GRID1: variants seen among roughly 807,000 people sequenced by gnomAD.
The protein encoded by GRID1 is glutamate ionotropic receptor delta type subunit 1, also known as glutamate receptor ionotropic, delta-1.
Under a neutral mutation model 98.0 loss-of-function variants are expected in GRID1, and 28 were observed. That is an observed-to-expected ratio of 0.29 (90% confidence interval 0.21 to 0.39). The LOEUF (loss-of-function observed/expected upper bound fraction) is 0.39. GRID1 is among the 10% of genes least tolerant of loss of function. The probability of loss-of-function intolerance (pLI) is 1.00; values close to 1 mark genes in which losing one functional copy is unlikely to be tolerated. For missense variants in GRID1, 1,111 were observed against 1,340.5 expected (o/e 0.83, Z 2.67); for synonymous variants, 553 against 538.5 (o/e 1.03, Z -0.37).
intron 4 of GRID1, among the ~76,000 whole-genome samples, chr10:85,938,327 G>A (rs897267003): frequency 7.9e-5 from 12 of 152,176 alleles, no homozygotes; most frequent in African/African-American, 1.2e-4. Flanking sequence ...CTAAGTGCTC[G>A]GATGGGGTCA....
At chr10:85,891,616 A>G (rs554765768) in intron 5 of GRID1, among the ~76,000 whole-genome samples, 2 of 152,332 alleles carry the variant, frequency 1.3e-5, no homozygotes, top group East Asian at 1.9e-4. Context: ...GGAAAGGACC[A>G]TCTGAAAGGA....
chr10:86,136,018 C>T (rs949691054), intron 4 of GRID1, among the ~76,000 whole-genome samples: 1 of 152,186 alleles, frequency 6.6e-6, no homozygotes, highest in East Asian at 1.9e-4. Flanking sequence ...GAGACATTTA[C>T]TCCTCCTTAA....
intron 4 of GRID1, among the ~76,000 whole-genome samples, chr10:86,069,121 G>A (rs537853611): frequency 7.9e-5 from 12 of 152,212 alleles, no homozygotes; most frequent in East Asian, 3.9e-4. Context: ...AGGGCAGGGC[G>A]TGGAGGTGTT....
At chr10:85,847,195 CTCT>C (rs1843014686) in intron 8 of GRID1, among the ~76,000 whole-genome samples, 1 of 152,232 alleles carries the variant, frequency 6.6e-6, no homozygotes. Flanking sequence ...AGAAAAGATA[CTCT>C]TCTTCTACTT....
chr10:85,835,076 A>G (rs1214384479), intron 8 of GRID1, among the ~76,000 whole-genome samples: 1 of 152,222 alleles, frequency 6.6e-6, no homozygotes, highest in African/African-American at 2.4e-5. Flanking sequence ...ATCAACAGAG[A>G]TAAAGAGGGA....
At chr10:85,923,879 C>A (rs542789141) in intron 4 of GRID1, among the ~76,000 whole-genome samples, 2 of 152,168 alleles carry the variant, frequency 1.3e-5, no homozygotes, top group Non-Finnish European at 2.9e-5. Flanking sequence ...AGCTACAGGG[C>A]CTTCTGCAAA....
At chr10:85,892,714 C>T (rs1841222417) in intron 5 of GRID1, among the ~76,000 whole-genome samples, 1 of 151,764 alleles carries the variant, frequency 6.6e-6, no homozygotes, top group Non-Finnish European at 1.5e-5. Flanking sequence ...AAAATCTTTC[C>T]ATGAAGGGTA....
At chr10:86,127,592 C>T (rs1165918524) in intron 4 of GRID1, among the ~76,000 whole-genome samples, 7 of 152,228 alleles carry the variant, frequency 4.6e-5, no homozygotes, top group African/African-American at 1.7e-4. Flanking sequence ...CTCTAACATC[C>T]TCTCCAGCTG....
intron 8 of GRID1, among the ~76,000 whole-genome samples, chr10:85,817,658 C>T (rs1056370965): frequency 6.6e-6 from 1 of 152,170 alleles, no homozygotes; most frequent in African/African-American, 2.4e-5. Context: ...CTTTGGGAGG[C>T]CGAGGCAGAT....
rs530063983 is a variant in GRID1, at chr10:85,918,180, T to C, written c.727-1941A>G. 2.6e-5 allele frequency among the ~76,000 whole-genome samples: 4 copies of C among 152,310 alleles called. 1 individual carries two copies. The South Asian group carries it at 6.2e-4, about 24-fold the overall frequency. On this transcript the variant is annotated intron_variant, in intron 4 of 15. Transcript: ENST00000327946. ...TGCAAATCTGGAGGATGTCATAACA[T>C]CTCAGTGGCTGGAACACTGAACTGA...
At chr10:85,624,515 C>T (rs777713302) in intron 13 of GRID1, among the ~76,000 whole-genome samples, 1 of 152,214 alleles carries the variant, frequency 6.6e-6, no homozygotes, top group Non-Finnish European at 1.5e-5. Flanking sequence ...GGACTAGATA[C>T]GGAGTCCTGG....
At chr10:85,937,563 C>T (rs1359383858) in intron 4 of GRID1, among the ~76,000 whole-genome samples, 1 of 152,146 alleles carries the variant, frequency 6.6e-6, no homozygotes. Flanking sequence ...TTATCATAGC[C>T]CATTGCTCTT....
At position 85,599,802 on chromosome 10, in the gene GRID1, A is replaced by AAATATATAC; in HGVS notation, c.*2470_*2471insGTATATATT. 3.1e-5 allele frequency: 2 copies of AAATATATAC among 65,000 alleles called. No homozygotes were observed. Among genetic ancestry groups the AAATATATAC allele is most frequent in the African/African-American group, 1.9e-4 (2 of 10,730 alleles). The allele number at this position is 65,000 out of a possible 1,614,324, so 4.0% of individuals were successfully genotyped here. A position where few individuals can be genotyped will look rare whatever the true frequency, so the allele number is the denominator to read the frequency against. On this transcript the variant is annotated 3_prime_UTR_variant, in exon 16 of 16. Transcript: ENST00000327946. Reference sequence around the variant, plus strand: ...GTAGAAAATTCTAAAAAAAAAAAAAAATATATATATATATATATAAACATG... The same window carrying AAATATATAC: ...GTAGAAAATTCTAAAAAAAAAAAAAAAATATATACATATATATATATATATATAAACATG...
Position 85,729,584 on chromosome 10 carries a change from T to C in GRID1, c.1264A>G (p.Asn422Asp). 6.2e-7 allele frequency: 1 copy of C among 1,613,010 alleles called. No homozygotes were observed. Among genetic ancestry groups the C allele is most frequent in the Non-Finnish European group, 8.5e-7 (1 of 1,179,142 alleles). ...ATGGGCCTCTCTTGCAAGCTGCCAT[T>C]CAAGCCCTTCTCTGAGTCCCATGTC... ...LATWDSEKGL[N>D]GSLQERPMGS... Residue 422 changes from asparagine (N) to aspartate (D), a missense_variant, in exon 9 of 16, where the codon AAT becomes GAT. By Grantham distance (23) the Asn-to-Asp change is conservative. This residue lies in a region of GRID1 where 762 missense variants were observed against 869.1 expected (regional missense o/e 0.88). Transcript: ENST00000327946.
intron 4 of GRID1, among the ~76,000 whole-genome samples, chr10:85,989,943 T>G (rs1842659590): frequency 6.6e-6 from 1 of 152,166 alleles, no homozygotes; most frequent in Admixed American, 6.5e-5. Context: ...AGCCCCAGGT[T>G]GCTCCCTTGC....
chr10:85,614,060 A>T (rs1239984198), intron 14 of GRID1, among the ~76,000 whole-genome samples: 3 of 152,228 alleles, frequency 2.0e-5, no homozygotes, highest in Non-Finnish European at 2.9e-5. Context: ...TTGAGCTTTC[A>T]TTACTATATC....
chr10:86,114,899 C>G (rs1844550294), intron 4 of GRID1, among the ~76,000 whole-genome samples: 1 of 152,346 alleles, frequency 6.6e-6, no homozygotes, highest in South Asian at 2.1e-4. Context: ...TACAGGTACT[C>G]TCACAGGAGG....
At chr10:85,685,293 A>G (rs1195457443) in intron 12 of GRID1, among the ~76,000 whole-genome samples, 2 of 152,224 alleles carry the variant, frequency 1.3e-5, no homozygotes, top group Non-Finnish European at 2.9e-5. Context: ...ATATAAATGT[A>G]AAACATAAAG....
chr10:86,052,213 C>T (rs185251647), intron 4 of GRID1, among the ~76,000 whole-genome samples: 3 of 152,170 alleles, frequency 2.0e-5, no homozygotes, highest in Admixed American at 6.5e-5. Flanking sequence ...CCTGTATTTG[C>T]ATACAGAAGT....
Sources: gnomAD v4.1 joint callset for allele counts (sites outside exome capture counted in the v4.1 genomes callset) on GRCh38, gnomAD v4.1.1 for gene constraint, gnomAD v4.1.1 regional missense constraint, MANE v1.5 for transcripts, NCBI Gene and HGNC (gene_info 2026-07-23, HGNC 2026-07-21) for gene names.